Variants in PABPC1 observed in about 807,000 individuals in gnomAD.
PABPC1 encodes the protein polyadenylate-binding protein 1.
Under a neutral mutation model 74.0 loss-of-function variants are expected in PABPC1, and 4 were observed. The ratio of observed to expected loss-of-function variants is 0.05; its 90% CI spans 0.03 to 0.12. PABPC1 has a LOEUF of 0.12. Ranked by LOEUF, PABPC1 falls within the 10% of genes least tolerant of loss-of-function variation. The pLI is 1.00. For synonymous variants in PABPC1, 227 were observed against 264.1 expected, an observed-to-expected ratio of 0.86 and a Z score of 1.36; for missense variants, 271 against 821.1, an observed-to-expected ratio of 0.33 and a Z score of 8.19.
rs779844568 is a variant in PABPC1, at chr8:100,705,573, G to A, written c.1687+16C>T. ...CTAGTCTTTCTGAACTGACAAGGTG[G>A]GACAGAAGTACTCACCCAACATTTG... On this transcript the variant is annotated intron_variant, in intron 12 of 14. Transcript: ENST00000318607. 2.6e-6 allele frequency: 4 copies of A among 1,537,638 alleles called. No individual in the cohort carries two copies. The highest frequency in any genetic ancestry group is 3.6e-6 in the Non-Finnish European group (4 of 1,110,686).
In PABPC1 at chr8:100,709,736, T is replaced by TA. The variant is rs1554595534; in HGVS notation, c.973-6dup. 1.1e-5 allele frequency: 15 copies of TA among 1,421,420 alleles called. No homozygotes were observed. The highest frequency in any genetic ancestry group is 5.0e-5 in the Admixed American group (2 of 40,140). The allele number at this position is 1,421,420 out of a possible 1,614,324, so 88.1% of individuals were successfully genotyped here. A position where few individuals can be genotyped will look rare whatever the true frequency, so the allele number is the denominator to read the frequency against. On this transcript the variant is annotated splice_polypyrimidine_tract_variant and splice_region_variant and intron_variant, in intron 7 of 14. Coordinates refer to ENST00000318607, the MANE Select transcript of PABPC1 (RefSeq NM_002568.4). ...GCGACCACCCTCCATCATAACCTAT[T>TA]AAAAAAAAGAAAAAAAAAGTTAACG...
chr8:100,721,132 C>T lies in PABPC1; in HGVS notation c.193+259G>A, dbSNP rs993926028. On this transcript the variant is annotated intron_variant, in intron 1 of 14. Coordinates refer to ENST00000318607, the MANE Select transcript of PABPC1 (RefSeq NM_002568.4). This position sits in a 1 kb window ranked among gnomAD's most constrained non-coding sequence, Gnocchi z 7.4. ...ACCCACCCTCCCGGCGCGTCATCAC[C>T]CTAAAGTTTGAGAGCGTCTGAGGCC... Among the ~76,000 whole-genome samples, 1 of 152,144 alleles carries T rather than the reference C, an allele frequency of 6.6e-6. No homozygotes were observed. The highest frequency in any genetic ancestry group is 1.5e-5 in the Non-Finnish European group (1 of 68,006).
intron 4 of PABPC1, among the ~76,000 whole-genome samples, chr8:100,714,013 A>G (rs577590342): frequency 7.9e-5 from 12 of 152,312 alleles, no homozygotes; most frequent in African/African-American, 2.4e-4. Context: ...AACTCCCTCT[A>G]AAGTAGGAGA....
Position 100,712,805 on chromosome 8 carries a change from A to AAG in PABPC1, c.739-17_739-16insCT. 8 of 1,512,776 alleles carry AAG rather than the reference A, an allele frequency of 5.3e-6. No homozygotes were observed. Among genetic ancestry groups the AAG allele is most frequent in the South Asian group, 3.7e-5 (3 of 81,418 alleles). 93.7% of individuals were successfully genotyped at this position (1,512,776 alleles called of 1,614,324 possible). A position where few individuals can be genotyped will look rare whatever the true frequency, so the allele number is the denominator to read the frequency against. Reference sequence around the variant, plus strand: ...CATCCACAGCCTTCCCCCCAAAAAAAAAGAAAAAAAAAAAATCACAAAACT... The same window carrying AAG: ...CATCCACAGCCTTCCCCCCAAAAAAAAGAAGAAAAAAAAAAAATCACAAAACT... On this transcript the variant is annotated splice_polypyrimidine_tract_variant and intron_variant, in intron 5 of 14. Transcript: ENST00000318607.
intron 14 of PABPC1, 153 bp downstream of exon 14, chr8:100,704,144 T>G (rs1325230931): frequency 7.8e-6 from 5 of 640,810 alleles, no homozygotes; most frequent in Non-Finnish European, 8.4e-6. Context: ...AATTCCTCTA[T>G]AGTTAGTTCC....
rs113111995 is a variant in PABPC1 at position 100,718,529 on chromosome 8, ATAAT to A, written c.194-253_194-250del. ...CATATAAAAGAATTCCATATTGCTA[ATAAT>A]TAATAAATTCTTGACGCAATCTCTC... On this transcript the variant is annotated intron_variant, in intron 1 of 14. Transcript: ENST00000318607. Among the ~76,000 whole-genome samples the A allele has an allele frequency of 7.2e-3, 1,102 of 152,358 alleles. 9 individuals are homozygous for A. The highest frequency in any genetic ancestry group is 0.024 in the African/African-American group (985 of 41,574).
intron 1 of PABPC1, among the ~76,000 whole-genome samples, chr8:100,719,287 G>A (rs954565115): frequency 2.6e-5 from 4 of 151,852 alleles, no homozygotes; most frequent in Non-Finnish European, 5.9e-5. Flanking sequence ...TGAATTTTCC[G>A]GCCACCTCTT....
intron 4 of PABPC1, among the ~76,000 whole-genome samples, chr8:100,713,550 C>T (rs1252756037): frequency 6.6e-6 from 1 of 152,138 alleles, no homozygotes; most frequent in South Asian, 2.1e-4. Flanking sequence ...AGTGTAGCAG[C>T]ACAATGAATA....
intron 1 of PABPC1, among the ~76,000 whole-genome samples, chr8:100,718,991 C>T (rs969234978): frequency 6.6e-6 from 1 of 152,166 alleles, no homozygotes; most frequent in South Asian, 2.1e-4. Flanking sequence ...TCACCATTAA[C>T]GCTCTCTTGA....
At chr8:100,715,648 G>C in intron 3 of PABPC1, 47 bp from the exon 4 acceptor site, 1 of 1,415,846 alleles carries the variant, frequency 7.1e-7, no homozygotes, top group Non-Finnish European at 9.7e-7. Flanking sequence ...ATTTTATAAA[G>C]TTCAGATTAA....
intron 1 of PABPC1, among the ~76,000 whole-genome samples, chr8:100,719,969 G>A (rs56400641): frequency 0.05 from 7,596 of 152,262 alleles, 626 homozygotes; most frequent in African/African-American, 0.17. Context: ...ACAACTTCTG[G>A]CTCTGTGTCA....
intron 1 of PABPC1, among the ~76,000 whole-genome samples, chr8:100,720,995 G>A (rs1810809075): frequency 6.6e-6 from 1 of 152,118 alleles, no homozygotes; most frequent in African/African-American, 2.4e-5. Flanking sequence ...GCGCCGGCAG[G>A]AGCTCCGGGT....
chr8:100,712,935 T>C, intron 5 of PABPC1, 146 bp from the exon 6 acceptor site: 1 of 1,107,552 alleles, frequency 9.0e-7, no homozygotes, highest in Non-Finnish European at 1.3e-6. Flanking sequence ...ACAATATAGG[T>C]TACCAATTTA....
At chr8:100,720,459 A>G (rs1053953211) in intron 1 of PABPC1, among the ~76,000 whole-genome samples, 3 of 152,234 alleles carry the variant, frequency 2.0e-5, no homozygotes, top group African/African-American at 7.2e-5. Context: ...CATGCTACAG[A>G]TAAGACTGGT....
chr8:100,719,093 A>G (rs920266691), intron 1 of PABPC1, among the ~76,000 whole-genome samples: 2 of 152,212 alleles, frequency 1.3e-5, no homozygotes, highest in African/African-American at 4.8e-5. Flanking sequence ...AAAATCTACA[A>G]TTAATTTCAG....
rs1810392544 is a variant in PABPC1, at chr8:100,706,840, C to T, written c.1448-35G>A. 6 of 1,159,382 alleles carry T rather than the reference C, an allele frequency of 5.2e-6. No homozygotes were observed. In the East Asian group the frequency reaches 2.9e-4, roughly 56 times the overall value. The allele number at this position is 1,159,382 out of a possible 1,614,324, so 71.8% of individuals were successfully genotyped here. On this transcript the variant is annotated intron_variant, in intron 10 of 14. Coordinates refer to ENST00000318607, the MANE Select transcript of PABPC1 (RefSeq NM_002568.4). ...AAGAACATTTTGTATTTTTATCTTG[C>T]TCTTTCAAATTGGTGATCAATTTTT...
chr8:100,708,675 A>G (rs1810445444), intron 9 of PABPC1, among the ~76,000 whole-genome samples: 1 of 152,022 alleles, frequency 6.6e-6, no homozygotes, highest in Non-Finnish European at 1.5e-5. Flanking sequence ...CAGGAGCTCA[A>G]GACAACCCTG....
intron 14 of PABPC1, 114 bp downstream of exon 14, chr8:100,704,177 ATACATT>A: frequency 1.3e-6 from 1 of 756,696 alleles, no homozygotes. Context: ...AAAATTAGCA[ATACATT>A]TAAATGAACT....
At chr8:100,719,198 G>A (rs1810748657) in intron 1 of PABPC1, among the ~76,000 whole-genome samples, 1 of 152,156 alleles carries the variant, frequency 6.6e-6, no homozygotes, top group Non-Finnish European at 1.5e-5. Context: ...CCCGAAGAGA[G>A]GGAAAACGGT....
Sources: gnomAD v4.1 joint callset for allele counts (sites outside exome capture counted in the v4.1 genomes callset) on GRCh38, gnomAD v4.1.1 for gene constraint, Gnocchi (gnomAD v3.1) non-coding constraint, MANE v1.5 for transcripts, NCBI Gene and HGNC (gene_info 2026-07-23, HGNC 2026-07-21) for gene names.